The following ANKRD6 variants were observed in gnomAD, a reference collection of about 807,000 sequenced individuals.
ANKRD6 encodes the protein ankyrin repeat domain 6, also known as ankyrin repeat domain-containing protein 6.
ANKRD6 carries 56 observed loss-of-function variants against 82.3 expected under a neutral mutation model. The ratio of observed to expected loss-of-function variants is 0.68; its 90% CI spans 0.55 to 0.85. ANKRD6 has a LOEUF of 0.85. Among genes scored for constraint, ANKRD6 ranks in the 40% least tolerant of loss-of-function variants. The pLI is 0.00. For synonymous variants in ANKRD6, 347 were observed against 352.1 expected, an observed-to-expected ratio of 0.99 and a Z score of 0.16; for missense variants, 852 against 907.6, an observed-to-expected ratio of 0.94 and a Z score of 0.79.
intron 2 of ANKRD6, among the ~76,000 whole-genome samples, chr6:89,589,014 AAAAAG>A (rs1794349570): frequency 6.6e-6 from 1 of 151,338 alleles, no homozygotes; most frequent in Admixed American, 6.6e-5. Context: ...AAAAAAAAAA[AAAAAG>A]GTGTTCCAGG....
At chr6:89,438,607 A>G (rs1395049123) in intron 1 of ANKRD6, among the ~76,000 whole-genome samples, 4 of 152,174 alleles carry the variant, frequency 2.6e-5, no homozygotes, top group African/African-American at 9.7e-5. Context: ...TAGTGTTTTA[A>G]CTGGTCAATT....
At chr6:89,628,013 C>T (rs1806279641) in intron 14 of ANKRD6, among the ~76,000 whole-genome samples, 1 of 152,124 alleles carries the variant, frequency 6.6e-6, no homozygotes, top group Non-Finnish European at 1.5e-5. Flanking sequence ...AGTTTCTACC[C>T]TCAGGGAGTT....
In ANKRD6 at chr6:89,514,295, T is replaced by G. The variant is rs185858075; in HGVS notation, c.-143-52539T>G. 3.5e-4 allele frequency among the ~76,000 whole-genome samples: 54 copies of G among 152,242 alleles called. 1 individual carries two copies. Among genetic ancestry groups the G allele is most frequent in the South Asian group, 6.2e-4 (3 of 4,820 alleles). ...TGGGAGGCTGAGGCAGGAGAATCGC[T>G]TGAACCTGGGGGGCGGAGGTTGCAG... On this transcript the variant is annotated intron_variant, in intron 1 of 15. Transcript: ENST00000339746.
chr6:89,609,371 G>A (rs1213092683), intron 5 of ANKRD6, among the ~76,000 whole-genome samples: 1 of 151,820 alleles, frequency 6.6e-6, no homozygotes, highest in Non-Finnish European at 1.5e-5. Context: ...GCTCAATCTC[G>A]GCTCACTGCA....
chr6:89,538,157 G>A (rs1316901165), intron 1 of ANKRD6, among the ~76,000 whole-genome samples: 1 of 151,558 alleles, frequency 6.6e-6, no homozygotes, highest in Non-Finnish European at 1.5e-5. Context: ...TTTTTAATTG[G>A]GATCCAAAGG....
chr6:89,492,754 C>A (rs1424433854), intron 1 of ANKRD6, among the ~76,000 whole-genome samples: 1 of 152,192 alleles, frequency 6.6e-6, no homozygotes, highest in Non-Finnish European at 1.5e-5. Flanking sequence ...AGATTCACAA[C>A]AGGCCCTCCC....
chr6:89,459,074 A>G (rs921832253), intron 1 of ANKRD6, among the ~76,000 whole-genome samples: 12 of 152,012 alleles, frequency 7.9e-5, no homozygotes, highest in Non-Finnish European at 1.5e-4. Flanking sequence ...CTTAAAATGA[A>G]TATGTCTTTT....
chr6:89,532,901 G>A (rs1315833576), intron 1 of ANKRD6, among the ~76,000 whole-genome samples: 2 of 149,328 alleles, frequency 1.3e-5, no homozygotes, highest in South Asian at 4.3e-4. Context: ...TTGAGATGGA[G>A]TCTCGCTCTG....
intron 1 of ANKRD6, among the ~76,000 whole-genome samples, chr6:89,507,727 G>T (rs1780042580): frequency 6.6e-6 from 1 of 152,114 alleles, no homozygotes; most frequent in Non-Finnish European, 1.5e-5. Context: ...TTTCAAAATT[G>T]GGAGTTGGGA....
At chr6:89,533,602 G>A (rs148242489) in intron 1 of ANKRD6, among the ~76,000 whole-genome samples, 60 of 152,282 alleles carry the variant, frequency 3.9e-4, no homozygotes, top group African/African-American at 1.4e-3. Context: ...CAAGGTTGCT[G>A]GCTAGCAGAT....
intron 1 of ANKRD6, among the ~76,000 whole-genome samples, chr6:89,434,825 A>G (rs563455603): frequency 6.6e-6 from 1 of 152,284 alleles, no homozygotes; most frequent in Non-Finnish European, 1.5e-5. Flanking sequence ...AAAATTTTTT[A>G]AAAATTAGGG....
chr6:89,597,220 T>C lies in ANKRD6; in HGVS notation c.219+1206T>C, dbSNP rs541520018. Among the ~76,000 whole-genome samples, 3 of 152,354 alleles carry C rather than the reference T, an allele frequency of 2.0e-5. No homozygotes were observed. The South Asian group carries it at 6.2e-4, about 32-fold the overall frequency. On this transcript the variant is annotated intron_variant, in intron 3 of 15. Coordinates refer to ENST00000339746, the MANE Select transcript of ANKRD6 (RefSeq NM_001242809.2). Reference sequence around the variant, plus strand: ...CATCAAAGATGTTATTTTCAAAAAATGTTGATTTAGCTTTAAGCCATTGAT... The same window carrying C: ...CATCAAAGATGTTATTTTCAAAAAACGTTGATTTAGCTTTAAGCCATTGAT...
chr6:89,538,526 A>G (rs533513577), intron 1 of ANKRD6, among the ~76,000 whole-genome samples: 2 of 152,382 alleles, frequency 1.3e-5, no homozygotes, highest in South Asian at 2.1e-4. Context: ...ATGTAAGTCA[A>G]CATACTGTTT....
At chr6:89,443,551 A>G (rs1298185648) in intron 1 of ANKRD6, among the ~76,000 whole-genome samples, 2 of 152,016 alleles carry the variant, frequency 1.3e-5, no homozygotes, top group Non-Finnish European at 2.9e-5. Flanking sequence ...TGCAGCCTCA[A>G]CCTCTCAGGT....
intron 3 of ANKRD6, among the ~76,000 whole-genome samples, chr6:89,600,603 G>T (rs1310536096): frequency 6.6e-6 from 1 of 152,138 alleles, no homozygotes; most frequent in Non-Finnish European, 1.5e-5. Flanking sequence ...CTGCAGTCGC[G>T]TGGTTCTTGC....
chr6:89,438,355 C>A (rs1319771690), intron 1 of ANKRD6, among the ~76,000 whole-genome samples: 1 of 152,140 alleles, frequency 6.6e-6, no homozygotes, highest in Non-Finnish European at 1.5e-5. Flanking sequence ...TCCAGAGTCA[C>A]TGCAAGGGGG....
At chr6:89,628,810 C>A in intron 14 of ANKRD6, 3 of 309,442 alleles carry the variant, frequency 9.7e-6, no homozygotes, top group East Asian at 7.4e-5. Flanking sequence ...ACTAATAGAG[C>A]AAGAACTTAC....
intron 1 of ANKRD6, among the ~76,000 whole-genome samples, chr6:89,523,364 A>G (rs990490180): frequency 1.9e-4 from 29 of 152,228 alleles, no homozygotes; most frequent in African/African-American, 5.8e-4. Flanking sequence ...ATGCAAAAGA[A>G]CTAAAGATAA....
chr6:89,583,712 C>T (rs1793099207), intron 2 of ANKRD6, among the ~76,000 whole-genome samples: 2 of 152,348 alleles, frequency 1.3e-5, no homozygotes, highest in Admixed American at 1.3e-4. Flanking sequence ...GGTAAGAGTT[C>T]ATCCTGAATC....
Sources: gnomAD v4.1 joint callset for allele counts (sites outside exome capture counted in the v4.1 genomes callset) on GRCh38, gnomAD v4.1.1 for gene constraint, MANE v1.5 for transcripts, NCBI Gene and HGNC (gene_info 2026-07-23, HGNC 2026-07-21) for gene names.